The following KIAA1671 variants were observed in gnomAD, a reference collection of about 807,000 sequenced individuals.
KIAA1671 encodes KIAA1671.
A neutral mutation model predicts 131.2 loss-of-function variants in KIAA1671; 52 were observed. The observed-to-expected ratio is 0.40, with a 90% CI of 0.32 to 0.50. The LOEUF (loss-of-function observed/expected upper bound fraction) is 0.50, where lower values mean the gene tolerates loss of function less well. KIAA1671 is among the 20% of genes least tolerant of loss of function. The probability of loss-of-function intolerance (pLI) is 0.73; values close to 1 mark genes in which losing one functional copy is unlikely to be tolerated. For missense variants in KIAA1671, 2,360 were observed against 2,364.2 expected (o/e 1.00, Z 0.04); for synonymous variants, 1,003 against 961.6 (o/e 1.04, Z -0.80).
At chr22:25,092,417 G>A (rs1930066740) in intron 6 of KIAA1671, among the ~76,000 whole-genome samples, 1 of 152,196 alleles carries the variant, frequency 6.6e-6, no homozygotes, top group Admixed American at 6.5e-5. Flanking sequence ...GAGCAAGTAG[G>A]GGAAGCAAGT....
intron 1 of KIAA1671, among the ~76,000 whole-genome samples, chr22:25,009,056 G>A (rs1373655019): frequency 6.6e-6 from 1 of 152,176 alleles, no homozygotes; most frequent in Non-Finnish European, 1.5e-5. Flanking sequence ...GTCACTTTGG[G>A]TTTATTGGTA....
intron 8 of KIAA1671, 56 bp downstream of exon 8, chr22:25,174,545 T>A: frequency 1.4e-6 from 2 of 1,468,274 alleles, no homozygotes; most frequent in East Asian, 2.5e-5. Context: ...CCTCTCTCTG[T>A]GAATTGCCAC....
At chr22:25,164,725 G>A (rs1012123752) in intron 6 of KIAA1671, among the ~76,000 whole-genome samples, 1 of 152,084 alleles carries the variant, frequency 6.6e-6, no homozygotes, top group Admixed American at 6.5e-5. Context: ...CAAGGCAGGC[G>A]GATCATGAGG....
chr22:25,179,371 C>T, intron 9 of KIAA1671: 1 of 1,604,168 alleles, frequency 6.2e-7, no homozygotes, highest in Non-Finnish European at 8.5e-7. Flanking sequence ...TGCAGCTCCT[C>T]GCGCAGCCGC....
At position 25,097,705 on chromosome 22, in the gene KIAA1671, A is replaced by G. The variant is rs1377658071; in HGVS notation, c.4530+48341A>G. ...CAGTGAGCCGAGATCGCGCCATTGC[A>G]CTCCAGCCTGGGCAACAGTGCGAGA... is the stretch of plus-strand genomic sequence containing the variant. On this transcript the variant is annotated intron_variant, in intron 6 of 12. Transcript: ENST00000358431. 2.6e-5 allele frequency among the ~76,000 whole-genome samples: 4 copies of G among 151,520 alleles called. No individual in the cohort carries two copies. The South Asian group carries it at 8.4e-4, about 32-fold the overall frequency.
intron 1 of KIAA1671, among the ~76,000 whole-genome samples, chr22:25,007,741 T>G (rs558602031): frequency 3.0e-4 from 46 of 152,256 alleles, no homozygotes; most frequent in African/African-American, 8.2e-4. Flanking sequence ...TTCTAGAAAT[T>G]TCTGCATAAT....
chr22:25,008,342 T>C (rs5996810), intron 1 of KIAA1671, among the ~76,000 whole-genome samples: 30,865 of 151,850 alleles, frequency 0.2, 3,323 homozygotes, highest in East Asian at 0.45. Flanking sequence ...CTCAGCTCAC[T>C]ATGTGGTTGA....
chr22:25,123,906 G>T (rs1379052770), intron 6 of KIAA1671, among the ~76,000 whole-genome samples: 1 of 152,104 alleles, frequency 6.6e-6, no homozygotes, highest in Non-Finnish European at 1.5e-5. Flanking sequence ...TCTCACTTAC[G>T]CTTGTGGAAA....
At chr22:25,104,744 C>G (rs1234628357) in intron 6 of KIAA1671, among the ~76,000 whole-genome samples, 5 of 151,902 alleles carry the variant, frequency 3.3e-5, no homozygotes, top group African/African-American at 1.2e-4. Context: ...GGCAATTGTT[C>G]ATTTTTTTTT....
In KIAA1671 at chr22:25,195,977, G is replaced by A. The variant is rs371979546; in HGVS notation, c.*3576G>A. ...TCCACATCTAAAGGGGATCTGCTTTGGGCTCGGTCCCATTAGCGAGTGGGG... is the reference window on the plus strand; with the variant it reads ...TCCACATCTAAAGGGGATCTGCTTTAGGCTCGGTCCCATTAGCGAGTGGGG... On this transcript the variant is annotated 3_prime_UTR_variant, in exon 13 of 13. Coordinates refer to ENST00000358431, the MANE Select transcript of KIAA1671 (RefSeq NM_001145206.2). 6.6e-6 allele frequency: 1 copy of A among 152,118 alleles called. No homozygotes were observed. Among genetic ancestry groups the A allele is most frequent in the Non-Finnish European group, 1.5e-5 (1 of 68,044 alleles). The allele number at this position is 152,118 out of a possible 1,614,324, so 9.4% of individuals were successfully genotyped here. A position where few individuals can be genotyped will look rare whatever the true frequency, so the allele number is the denominator to read the frequency against.
At position 25,028,608 on chromosome 22, in the gene KIAA1671, A is replaced by G; in HGVS notation, c.609A>G (p.Thr203=). The G allele has an allele frequency of 1.3e-6, 2 of 1,546,516 alleles. No individual in the cohort carries two copies. Among genetic ancestry groups the G allele is most frequent in the Non-Finnish European group, 1.7e-6 (2 of 1,144,996 alleles). Residue 203 remains threonine (T), a synonymous_variant, in exon 3 of 13, where the codon ACA becomes ACG. Transcript: ENST00000358431. The part of the protein sequence containing the change: ...LPRSAPLSQD[T]KPPVPQEEAG... ...GGTCAGCTCCCCTGTCTCAGGACAC[A>G]AAACCACCTGTACCCCAAGAGGAGG...
intron 6 of KIAA1671, among the ~76,000 whole-genome samples, chr22:25,108,610 TTTCC>T: frequency 6.6e-6 from 1 of 152,230 alleles, no homozygotes; most frequent in East Asian, 1.9e-4. Context: ...CCTGTGTATG[TTTCC>T]TGTGTATGTT....
At chr22:25,025,427 A>T (rs2123897280) in intron 1 of KIAA1671, among the ~76,000 whole-genome samples, 1 of 152,268 alleles carries the variant, frequency 6.6e-6, no homozygotes, top group East Asian at 1.9e-4. Context: ...AACAGGGAAG[A>T]TTTTTATTGA....
chr22:24,956,378 C>T (rs1921701851), intron 1 of KIAA1671, among the ~76,000 whole-genome samples: 1 of 152,224 alleles, frequency 6.6e-6, no homozygotes, highest in Non-Finnish European at 1.5e-5. Context: ...TTCACTGATG[C>T]AGGCCTCTGT....
At chr22:25,171,582 G>A (rs1251609754) in intron 7 of KIAA1671, among the ~76,000 whole-genome samples, 1 of 152,060 alleles carries the variant, frequency 6.6e-6, no homozygotes, top group Non-Finnish European at 1.5e-5. Context: ...GGGTGTGGTG[G>A]TGGGCACCTG....
intron 6 of KIAA1671, among the ~76,000 whole-genome samples, chr22:25,090,855 T>C (rs1929994597): frequency 6.6e-6 from 1 of 152,234 alleles, no homozygotes; most frequent in South Asian, 2.1e-4. Context: ...CTCTCCACTA[T>C]TCCTTATTGG....
At chr22:25,176,350 G>A (rs1428960436) in intron 8 of KIAA1671, 1 of 152,208 alleles carries the variant, frequency 6.6e-6, no homozygotes, top group East Asian at 1.9e-4. Context: ...TGACTTAGAA[G>A]GCCTTGGGTG....
intron 6 of KIAA1671, chr22:25,050,643 A>G (rs1927484070): frequency 6.6e-6 from 1 of 152,238 alleles, no homozygotes. Flanking sequence ...TTGTGCTAGG[A>G]GTGATGCAGA....
intron 4 of KIAA1671, among the ~76,000 whole-genome samples, chr22:25,037,882 C>T (rs1926701510): frequency 6.6e-6 from 1 of 152,092 alleles, no homozygotes; most frequent in African/African-American, 2.4e-5. Flanking sequence ...CTCTGTCACC[C>T]AGGCTGGAGT....
Sources: gnomAD v4.1 joint callset for allele counts (sites outside exome capture counted in the v4.1 genomes callset) on GRCh38, gnomAD v4.1.1 for gene constraint, MANE v1.5 for transcripts, NCBI Gene and HGNC (gene_info 2026-07-23, HGNC 2026-07-21) for gene names.